Variants in CPNE4 observed in about 807,000 individuals in gnomAD.
The protein encoded by CPNE4 is copine-4.
A neutral mutation model predicts 67.9 loss-of-function variants in CPNE4; 25 were observed. The observed-to-expected ratio is 0.37, with a 90% CI of 0.27 to 0.51. The LOEUF (loss-of-function observed/expected upper bound fraction) is 0.51, where lower values mean the gene tolerates loss of function less well. Ranked by LOEUF, CPNE4 falls within the 20% of genes least tolerant of loss-of-function variation. The probability of loss-of-function intolerance (pLI) is 0.93; values close to 1 mark genes in which losing one functional copy is unlikely to be tolerated. For missense variants in CPNE4, 464 were observed against 690.8 expected (o/e 0.67, Z 3.68); for synonymous variants, 242 against 244.9 (o/e 0.99, Z 0.11).
At position 131,587,580 on chromosome 3, in the gene CPNE4, G is replaced by A; in HGVS notation, c.684C>T (p.Cys228=). 1 of 1,603,576 alleles carries A rather than the reference G, an allele frequency of 6.2e-7. No homozygotes were observed. The highest frequency in any genetic ancestry group is 8.5e-7 in the Non-Finnish European group (1 of 1,170,804). The change falls in exon 8 of 16, where the codon TGC becomes TGT. Residue 228 remains cysteine (C), a splice_region_variant and synonymous_variant. Coordinates refer to ENST00000429747, the MANE Select transcript of CPNE4 (RefSeq NM_130808.3). Reference sequence around the variant, plus strand: ...CATTGGAGTCCCAGTCCCATACTATGCACTGTAAGAGAAAACAATGATCTT... The same window carrying A: ...CATTGGAGTCCCAGTCCCATACTATACACTGTAAGAGAAAACAATGATCTT... The part of the protein sequence containing the change: ...CSGDPDRRLK[C]IVWDWDSNGK...
intron 1 of CPNE4, among the ~76,000 whole-genome samples, chr3:131,995,245 C>G (rs1440752843): frequency 6.6e-6 from 1 of 152,156 alleles, no homozygotes; most frequent in African/African-American, 2.4e-5. Context: ...GAAGTTCCAA[C>G]ACATAGCTAT....
intron 2 of CPNE4, among the ~76,000 whole-genome samples, chr3:131,837,440 G>A (rs1460129872): frequency 3.3e-5 from 5 of 152,034 alleles, no homozygotes; most frequent in Non-Finnish European, 1.5e-5. Context: ...ATCCCAAATA[G>A]TTACACAGTG....
chr3:132,026,331 A>G (rs941769616), intron 1 of CPNE4, among the ~76,000 whole-genome samples: 3 of 152,336 alleles, frequency 2.0e-5, no homozygotes, highest in Non-Finnish European at 1.5e-5. Flanking sequence ...AGACATGGTC[A>G]TATCTATGAA....
At chr3:131,729,307 C>T (rs57351804) in intron 2 of CPNE4, among the ~76,000 whole-genome samples, 1 of 152,086 alleles carries the variant, frequency 6.6e-6, no homozygotes, top group East Asian at 1.9e-4. Flanking sequence ...TAGGGAGAAA[C>T]TAATTTTCTC....
intron 2 of CPNE4, among the ~76,000 whole-genome samples, chr3:131,743,899 C>A (rs1471815170): frequency 7.8e-6 from 1 of 128,544 alleles, no homozygotes; most frequent in Non-Finnish European, 1.6e-5. Context: ...GGAGGCGGAG[C>A]TTGCAGTGAG....
At chr3:131,858,038 C>A (rs1401697554) in intron 2 of CPNE4, among the ~76,000 whole-genome samples, 1 of 152,046 alleles carries the variant, frequency 6.6e-6, no homozygotes, top group East Asian at 1.9e-4. Context: ...ATATATATTT[C>A]TTTAGAGATT....
intron 10 of CPNE4, among the ~76,000 whole-genome samples, chr3:131,570,787 C>G (rs1454777748): frequency 1.3e-5 from 2 of 152,040 alleles, no homozygotes; most frequent in East Asian, 3.9e-4. Flanking sequence ...GATCATGTAT[C>G]AAATTCTCAA....
At chr3:131,867,637 A>T (rs543298268) in intron 2 of CPNE4, among the ~76,000 whole-genome samples, 10 of 152,148 alleles carry the variant, frequency 6.6e-5, no homozygotes, top group Non-Finnish European at 1.2e-4. Flanking sequence ...TGATAGTTTA[A>T]TTATCCCTCA....
chr3:131,821,577 G>A (rs938392775), intron 2 of CPNE4, among the ~76,000 whole-genome samples: 1 of 152,170 alleles, frequency 6.6e-6, no homozygotes, highest in African/African-American at 2.4e-5. Context: ...CAGAAAGGGT[G>A]TGGTGTGTTG....
chr3:131,727,201 T>C (rs1424321813), intron 2 of CPNE4, among the ~76,000 whole-genome samples: 9 of 152,222 alleles, frequency 5.9e-5, no homozygotes, highest in Admixed American at 3.9e-4. Context: ...CTTTCCTCAA[T>C]TCATGAGCAT....
chr3:131,922,802 C>G (rs2070777318), intron 1 of CPNE4, among the ~76,000 whole-genome samples: 3 of 152,096 alleles, frequency 2.0e-5, no homozygotes, highest in African/African-American at 7.2e-5. Context: ...AAGAAGCAAG[C>G]ATAATAACAA....
intron 1 of CPNE4, among the ~76,000 whole-genome samples, chr3:132,018,586 C>T (rs534269812): frequency 1.3e-5 from 2 of 152,128 alleles, no homozygotes; most frequent in Non-Finnish European, 2.9e-5. Flanking sequence ...CTGTGTCCAC[C>T]AGCTCTACAG....
chr3:131,775,741 G>T lies in CPNE4; in HGVS notation c.181-52116C>A, dbSNP rs552256162. On this transcript the variant is annotated intron_variant, in intron 2 of 15. Transcript: ENST00000429747. ...ATTAAACCTGTTTCTTTTGTAGATT[G>T]CCCAGTCTTGGGTATGTCTTTATCA... Among the ~76,000 whole-genome samples, 7 of 152,246 alleles carry T rather than the reference G, an allele frequency of 4.6e-5. No individual in the cohort carries two copies. In the South Asian group the frequency reaches 1.0e-3, roughly 23 times the overall value.
At chr3:132,011,381 G>A (rs1397932829) in intron 1 of CPNE4, among the ~76,000 whole-genome samples, 1 of 152,110 alleles carries the variant, frequency 6.6e-6, no homozygotes, top group African/African-American at 2.4e-5. Flanking sequence ...AAAAAAGCTT[G>A]GATTTCACAC....
At chr3:131,800,399 T>C (rs2084058046) in intron 2 of CPNE4, among the ~76,000 whole-genome samples, 1 of 152,162 alleles carries the variant, frequency 6.6e-6, no homozygotes. Flanking sequence ...ACCTATATAT[T>C]CTTAGCTCCT....
At chr3:131,881,081 T>C (rs1323874530) in intron 2 of CPNE4, among the ~76,000 whole-genome samples, 1 of 152,038 alleles carries the variant, frequency 6.6e-6, no homozygotes, top group Admixed American at 6.6e-5. Flanking sequence ...TCACAGAACA[T>C]CAACATAAGG....
chr3:131,884,751 G>A (rs1186062315), intron 2 of CPNE4, among the ~76,000 whole-genome samples: 1 of 152,096 alleles, frequency 6.6e-6, no homozygotes, highest in Non-Finnish European at 1.5e-5. Context: ...AAGATCTGAT[G>A]GTTTTATCAG....
intron 2 of CPNE4, among the ~76,000 whole-genome samples, chr3:131,813,712 T>A (rs900861724): frequency 2.6e-5 from 4 of 152,110 alleles, no homozygotes; most frequent in Admixed American, 6.5e-5. Context: ...TAAATAGAAA[T>A]ATCAAATGGC....
intron 2 of CPNE4, among the ~76,000 whole-genome samples, chr3:131,897,113 G>C (rs2088369136): frequency 6.6e-6 from 1 of 152,040 alleles, no homozygotes; most frequent in Admixed American, 6.6e-5. Flanking sequence ...CCAAAGGAGA[G>C]AAAAACATTA....
Sources: allele counts gnomAD v4.1 joint callset (sites outside exome capture counted in the v4.1 genomes callset), GRCh38; gene constraint gnomAD v4.1.1; transcripts MANE v1.5; gene names NCBI Gene and HGNC (gene_info 2026-07-23, HGNC 2026-07-21).